IKZF1: variants seen among roughly 807,000 people sequenced by gnomAD.
IKZF1 encodes the protein IKAROS family zinc finger 1.
Under a neutral mutation model 51.7 loss-of-function variants are expected in IKZF1, and 10 were observed. That is an observed-to-expected ratio of 0.19 (90% CI 0.12 to 0.33). The LOEUF (loss-of-function observed/expected upper bound fraction) is 0.33. Among genes scored for constraint, IKZF1 ranks in the 10% least tolerant of loss-of-function variants. The probability of loss-of-function intolerance (pLI) is 1.00; values close to 1 mark genes in which losing one functional copy is unlikely to be tolerated. For synonymous variants in IKZF1, 280 were observed against 282.3 expected, an observed-to-expected ratio of 0.99 and a Z score of 0.08; for missense variants, 484 against 707.5, an observed-to-expected ratio of 0.68 and a Z score of 3.58.
At chr7:50,363,054 G>A (rs372478698) in intron 3 of IKZF1, among the ~76,000 whole-genome samples, 1 of 152,190 alleles carries the variant, frequency 6.6e-6, no homozygotes, top group East Asian at 1.9e-4. Context: ...AGAGGCAAGG[G>A]TAGAGGCGAG....
At position 50,401,381 on chromosome 7, in the gene IKZF1, G is replaced by A. The variant is rs1818093339; in HGVS notation, c.*754G>A. 2 of 227,882 alleles carry A rather than the reference G, an allele frequency of 8.8e-6. No homozygotes were observed. Among genetic ancestry groups the A allele is most frequent in the African/African-American group, 2.2e-5 (1 of 45,026 alleles). The allele number at this position is 227,882 out of a possible 1,614,324, so 14.1% of individuals were successfully genotyped here. On this transcript the variant is annotated 3_prime_UTR_variant, in exon 8 of 8. Transcript: ENST00000331340. ...AGATGGCCTGAGCCTCCCGAGGCTT[G>A]CTGCCCCGTAGGAGGAGACTGTCTT...
intron 3 of IKZF1, among the ~76,000 whole-genome samples, chr7:50,329,488 A>T (rs1232408678): frequency 6.6e-6 from 1 of 152,232 alleles, no homozygotes; most frequent in Non-Finnish European, 1.5e-5. Flanking sequence ...TTTACCATGC[A>T]CTGTACCACT....
Position 50,401,430 on chromosome 7 carries a change from C to G in IKZF1, c.*803C>G, listed in dbSNP as rs1818106860. On this transcript the variant is annotated 3_prime_UTR_variant, in exon 8 of 8. Transcript: ENST00000331340. Reference sequence around the variant, plus strand: ...TTCCCGTGGGCATATCTGGGGAGCCCTGTTCCCCGCTTTTTCACTCCCATA... The same window carrying G: ...TTCCCGTGGGCATATCTGGGGAGCCGTGTTCCCCGCTTTTTCACTCCCATA... 4.4e-6 allele frequency: 1 copy of G among 226,136 alleles called. No individual in the cohort carries two copies. The allele number at this position is 226,136 out of a possible 1,614,324, so 14.0% of individuals were successfully genotyped here.
At chr7:50,369,766 C>CT (rs752303049) in intron 3 of IKZF1, 6 of 392,938 alleles carry the variant, frequency 1.5e-5, no homozygotes, top group East Asian at 3.6e-5. Context: ...GCCTATTGCT[C>CT]TTTTTTTTAT....
chr7:50,325,056 A>C (rs967290642), intron 2 of IKZF1, among the ~76,000 whole-genome samples: 2 of 152,048 alleles, frequency 1.3e-5, no homozygotes, highest in African/African-American at 2.4e-5. Flanking sequence ...CGCCCTGTAC[A>C]TGTTTACTCA....
At chr7:50,346,087 T>A (rs953330132) in intron 3 of IKZF1, among the ~76,000 whole-genome samples, 1 of 152,182 alleles carries the variant, frequency 6.6e-6, no homozygotes, top group Admixed American at 6.5e-5. Flanking sequence ...AGATGGAAAT[T>A]TAGAAGAGAT....
chr7:50,373,879 C>T (rs1809465961), intron 3 of IKZF1, among the ~76,000 whole-genome samples: 8 of 152,178 alleles, frequency 5.3e-5, no homozygotes, highest in Admixed American at 3.9e-4. Context: ...CTGCCTATCT[C>T]CTTTATTTTC....
chr7:50,335,864 C>G (rs938125194), intron 3 of IKZF1, among the ~76,000 whole-genome samples: 5,428 of 151,926 alleles, frequency 0.036, 185 homozygotes, highest in African/African-American at 0.083. Context: ...AGGCCTGGCT[C>G]TATTGATTCC....
intron 5 of IKZF1, 69 bp from the exon 6 acceptor site, chr7:50,387,276 G>T: frequency 1.3e-6 from 2 of 1,524,870 alleles, no homozygotes. Flanking sequence ...TAATTGTATT[G>T]CATGCATTCC....
chr7:50,400,804 T>C lies in IKZF1; in HGVS notation c.*177T>C. ...GGTTGATTGGGGTTTGATTTGCTTT[T>C]GAAAAGATTTTTATTTTTAGAGGCA... On this transcript the variant is annotated 3_prime_UTR_variant, in exon 8 of 8. Coordinates refer to ENST00000331340, the MANE Select transcript of IKZF1 (RefSeq NM_006060.6). The surrounding 1 kb of genome is among the most constrained non-coding windows in gnomAD (Gnocchi z 5.4). 1.2e-6 allele frequency: 1 copy of C among 816,510 alleles called. No homozygotes were observed. The highest frequency in any genetic ancestry group is 3.0e-5 in the Admixed American group (1 of 33,568). The allele number at this position is 816,510 out of a possible 1,614,324, so 50.6% of individuals were successfully genotyped here.
rs1027094080 is a variant in IKZF1, at chr7:50,338,071, C to A, written c.160+10314C>A. On this transcript the variant is annotated intron_variant, in intron 3 of 7. Transcript: ENST00000331340. Reference sequence around the variant, plus strand: ...AATATAGCCAGTAATGTTCCAGAATCTGACATGTGAATTTTAAAAAAAAAC... The same window carrying A: ...AATATAGCCAGTAATGTTCCAGAATATGACATGTGAATTTTAAAAAAAAAC... 5.9e-5 allele frequency among the ~76,000 whole-genome samples: 9 copies of A among 152,040 alleles called. No individual in the cohort carries two copies. The South Asian group carries it at 1.9e-3, about 32-fold the overall frequency.
intron 7 of IKZF1, among the ~76,000 whole-genome samples, chr7:50,396,150 G>C (rs1269769681): frequency 6.7e-6 from 1 of 149,712 alleles, no homozygotes; most frequent in Non-Finnish European, 1.5e-5. Flanking sequence ...AATATGTTTT[G>C]TTCCATCTAT....
intron 1 of IKZF1, among the ~76,000 whole-genome samples, chr7:50,315,410 C>T (rs1300569482): frequency 6.6e-6 from 1 of 152,130 alleles, no homozygotes; most frequent in Non-Finnish European, 1.5e-5. Context: ...CTGCAGACTC[C>T]ACTCCCCGCT....
chr7:50,374,363 T>C (rs1314431547), intron 3 of IKZF1, among the ~76,000 whole-genome samples: 1 of 152,210 alleles, frequency 6.6e-6, no homozygotes, highest in Non-Finnish European at 1.5e-5. Flanking sequence ...GTCTCAGAAC[T>C]GATGCACTGC....
At chr7:50,327,496 A>G (rs1795327455) in intron 2 of IKZF1, 142 bp from the exon 3 acceptor site, 3 of 893,538 alleles carry the variant, frequency 3.4e-6, no homozygotes, top group Admixed American at 6.9e-5. Context: ...TAAAAAGAAA[A>G]AGGTATATGC....
chr7:50,322,884 C>T (rs1163457182), intron 2 of IKZF1, among the ~76,000 whole-genome samples: 1 of 152,074 alleles, frequency 6.6e-6, no homozygotes, highest in Non-Finnish European at 1.5e-5. Context: ...TAAGGTTCCT[C>T]TGGCACCTGT....
In IKZF1 at chr7:50,319,094, A is replaced by G. The variant is rs1480100906; in HGVS notation, c.33A>G (p.Gln11=). 2.5e-6 allele frequency: 4 copies of G among 1,613,588 alleles called. No individual in the cohort carries two copies. Among genetic ancestry groups the G allele is most frequent in the Non-Finnish European group, 3.4e-6 (4 of 1,179,636 alleles). MDADEGQDMS[Q]VSGKESPPVS... is the part of the protein sequence containing the mutation. The stretch of plus-strand genomic sequence containing the variant: ...CTGATGAGGGTCAAGACATGTCCCA[A>G]GTTTCAGGTGAGACCTTATGAGATA... Residue 11 remains glutamine, a synonymous_variant, in exon 2 of 8, where the codon CAA becomes CAG. Transcript: ENST00000331340.
chr7:50,314,108 T>C (rs1415655042), intron 1 of IKZF1, among the ~76,000 whole-genome samples: 1 of 152,160 alleles, frequency 6.6e-6, no homozygotes. Flanking sequence ...CTCAGAGACC[T>C]ATAATTTTTT....
chr7:50,327,079 T>C (rs1468888226), intron 2 of IKZF1, among the ~76,000 whole-genome samples: 1 of 152,202 alleles, frequency 6.6e-6, no homozygotes, highest in Non-Finnish European at 1.5e-5. Flanking sequence ...AAAATATAGA[T>C]GCCTTTTATG....
Sources: allele counts gnomAD v4.1 joint callset (sites outside exome capture counted in the v4.1 genomes callset), GRCh38; gene constraint gnomAD v4.1.1; non-coding constraint Gnocchi (gnomAD v3.1); transcripts MANE v1.5; gene names NCBI Gene and HGNC (gene_info 2026-07-23, HGNC 2026-07-21).